Variants in WBP2 observed in about 807,000 individuals in gnomAD.
The protein encoded by WBP2 is WW domain-binding protein 2.
Under a neutral mutation model 33.0 loss-of-function variants are expected in WBP2, and 23 were observed. The ratio of observed to expected loss-of-function variants is 0.70; its 90% confidence interval spans 0.50 to 0.99. The LOEUF (loss-of-function observed/expected upper bound fraction) is 0.99. Ranked by LOEUF, WBP2 falls within the 50% of genes least tolerant of loss-of-function variation. The pLI is 0.00. For synonymous variants in WBP2, 153 were observed against 133.5 expected, an observed-to-expected ratio of 1.15 and a Z score of -1.01; for missense variants, 353 against 358.0, an observed-to-expected ratio of 0.99 and a Z score of 0.11.
rs921660381 is a variant in WBP2 at position 75,851,469 on chromosome 17, C to T, written c.168+99G>A. ...ACTAACACTCACCAGGATTCAGAGG[C>T]CACCTGACTCATGAGGCTGAGGCAG... On this transcript the variant is annotated intron_variant, in intron 2 of 7. Transcript: ENST00000254806. 13 of 852,614 alleles carry T rather than the reference C, an allele frequency of 1.5e-5. No individual in the cohort carries two copies. The Admixed American group carries it at 2.3e-4, about 15-fold the overall frequency. 52.8% of individuals were successfully genotyped at this position (852,614 alleles called of 1,614,324 possible).
At chr17:75,853,291 C>T (rs1362078608) in intron 1 of WBP2, among the ~76,000 whole-genome samples, 2 of 152,182 alleles carry the variant, frequency 1.3e-5, no homozygotes, top group Non-Finnish European at 2.9e-5. Context: ...AGTGATCCAC[C>T]CACCTCAGCC....
At chr17:75,854,718 C>G (rs1219597112) in intron 1 of WBP2, among the ~76,000 whole-genome samples, 1 of 152,186 alleles carries the variant, frequency 6.6e-6, no homozygotes, top group Non-Finnish European at 1.5e-5. Context: ...GGAGTCAAGA[C>G]TCCTTTCCTG....
chr17:75,854,043 TAAAAAAAAAA>T (rs55857053), intron 1 of WBP2, among the ~76,000 whole-genome samples: 1,026 of 55,464 alleles, frequency 0.018, 11 homozygotes, highest in Non-Finnish European at 0.026. Flanking sequence ...AGCCTCCATC[TAAAAAAAAAA>T]AAAAAAAAAA....
chr17:75,846,635 G>A lies in WBP2; in HGVS notation c.*99C>T. On this transcript the variant is annotated 3_prime_UTR_variant, in exon 8 of 8. Coordinates refer to ENST00000254806, the MANE Select transcript of WBP2 (RefSeq NM_012478.4). The surrounding 1 kb of genome is among the most constrained non-coding windows in gnomAD (Gnocchi z 4.8). ...AATTGTTTATGATCAGACCTGGAGG[G>A]AGAACAAGGCGCCCCCTCCCCTCCC... is the stretch of plus-strand genomic sequence containing the variant. 3.0e-6 allele frequency: 4 copies of A among 1,345,546 alleles called. No homozygotes were observed. The highest frequency in any genetic ancestry group is 2.1e-5 in the Admixed American group (1 of 48,114). The allele number at this position is 1,345,546 out of a possible 1,614,324, so 83.4% of individuals were successfully genotyped here. A position where few individuals can be genotyped will look rare whatever the true frequency, so the allele number is the denominator to read the frequency against.
intron 3 of WBP2, chr17:75,848,995 A>C: frequency 5.6e-6 from 2 of 356,066 alleles, no homozygotes; most frequent in Non-Finnish European, 1.1e-5. Context: ...CCAGTCAAGC[A>C]CTCGGCAGCT....
chr17:75,852,885 T>C, intron 1 of WBP2: 1 of 819,140 alleles, frequency 1.2e-6, no homozygotes, highest in East Asian at 1.2e-4. Flanking sequence ...TCGGGGTTCT[T>C]TTAAACCTGG....
At chr17:75,848,980 C>A in intron 3 of WBP2, 1 of 389,288 alleles carries the variant, frequency 2.6e-6, no homozygotes, top group Non-Finnish European at 4.8e-6. Flanking sequence ...GGTTTCTCTC[C>A]GCCCCCAGTC....
At chr17:75,855,622 A>G, upstream of WBP2, 1 of 344,186 alleles carries the variant, frequency 2.9e-6, no homozygotes, top group Non-Finnish European at 5.5e-6. Flanking sequence ...ATTTTGCGTA[A>G]CCAATCGGCT....
chr17:75,855,763 C>G (rs950518968), upstream of WBP2, among the ~76,000 whole-genome samples: 1 of 152,240 alleles, frequency 6.6e-6, no homozygotes, highest in Non-Finnish European at 1.5e-5. Flanking sequence ...CTGGACATGG[C>G]GTGGGAGCGC....
Position 75,849,608 on chromosome 17 carries a change from C to T in WBP2, c.300G>A (p.Ala100=), listed in dbSNP as rs146986094. 44 of 1,614,026 alleles carry T rather than the reference C, an allele frequency of 2.7e-5. No individual in the cohort carries two copies. The highest frequency in any genetic ancestry group is 3.5e-5 in the Non-Finnish European group (41 of 1,179,896). Residue 100 remains alanine, a synonymous_variant, in exon 3 of 8, where the codon GCG becomes GCA. Coordinates refer to ENST00000254806, the MANE Select transcript of WBP2 (RefSeq NM_012478.4). ...NYIKGTVKAE[A]GGGWEGSASY... The stretch of plus-strand genomic sequence containing the variant: ...CCCTGAGTTCCCATCACCTACCTCC[C>T]GCTTCCGCCTTCACTGTTCCCTTGA...
intron 6 of WBP2, 145 bp downstream of exon 6, chr17:75,847,342 C>T (rs2064999407): frequency 2.3e-6 from 3 of 1,323,494 alleles, no homozygotes; most frequent in Admixed American, 4.1e-5. Context: ...CACCAGGCCA[C>T]AGCCCTGCTG....
chr17:75,855,134 C>A, intron 1 of WBP2, 105 bp downstream of exon 1: 1 of 735,936 alleles, frequency 1.4e-6, no homozygotes, highest in Non-Finnish European at 2.1e-6. Flanking sequence ...CTCACTCCAT[C>A]AGTGCTCCCT....
intron 1 of WBP2, 118 bp from the exon 2 acceptor site, chr17:75,851,794 T>C (rs905983881): frequency 1.1e-5 from 8 of 728,526 alleles, no homozygotes; most frequent in Admixed American, 3.9e-5. Flanking sequence ...AACCTCTCAA[T>C]AGTGCGGCAT....
chr17:75,851,438 T>C (rs566286633), intron 2 of WBP2, 130 bp downstream of exon 2: 1 of 673,504 alleles, frequency 1.5e-6, no homozygotes, highest in Non-Finnish European at 2.8e-6. Context: ...ACAGGCAGAG[T>C]GAAGCACTAA....
chr17:75,851,872 C>T (rs1023145162), intron 1 of WBP2, 196 bp from the exon 2 acceptor site: 25 of 404,862 alleles, frequency 6.2e-5, no homozygotes, highest in Admixed American at 5.2e-4. Context: ...GAGGCCGAGG[C>T]GAGCGGATGA....
chr17:75,847,085 G>C (rs2064997941), intron 6 of WBP2, 101 bp from the exon 7 acceptor site: 2 of 1,328,216 alleles, frequency 1.5e-6, no homozygotes, highest in Non-Finnish European at 2.1e-6. Flanking sequence ...CTGGTGCTGG[G>C]GGTCCAGTTC....
At chr17:75,849,456 A>G in intron 3 of WBP2, 148 bp downstream of exon 3, 1 of 1,006,824 alleles carries the variant, frequency 9.9e-7, no homozygotes, top group South Asian at 1.6e-5. Context: ...TTGGCAATCA[A>G]ACCCCACCAG....
In WBP2 at chr17:75,847,717, AATAAAGTCTC is replaced by A. The variant is rs570468893; in HGVS notation, c.532+69_532+78del. The A allele has an allele frequency of 1.7e-3, 2,659 of 1,560,644 alleles. 6 individuals carry two copies. The highest frequency in any genetic ancestry group is 2.2e-3 in the Non-Finnish European group (2,472 of 1,145,900). ...TCGTTGGTCCTGAAGCAGCTCAAGG[AATAAAGTCTC>A]CCTGGCCTGGGGGGAGCCTGGGTAG... On this transcript the variant is annotated intron_variant, in intron 5 of 7. Coordinates refer to ENST00000254806, the MANE Select transcript of WBP2 (RefSeq NM_012478.4).
chr17:75,847,019 G>A, intron 6 of WBP2, 35 bp from the exon 7 acceptor site: 1 of 1,613,166 alleles, frequency 6.2e-7, no homozygotes, highest in African/African-American at 1.3e-5. Flanking sequence ...TCGGTGACAA[G>A]TTCTCCTCCC....
Sources: allele counts gnomAD v4.1 joint callset (sites outside exome capture counted in the v4.1 genomes callset), GRCh38; gene constraint gnomAD v4.1.1; non-coding constraint Gnocchi (gnomAD v3.1); transcripts MANE v1.5; gene names NCBI Gene and HGNC (gene_info 2026-07-23, HGNC 2026-07-21).